Variants in UBE3C observed in about 807,000 individuals in gnomAD.
UBE3C encodes the protein ubiquitin protein ligase E3C.
UBE3C carries 42 observed loss-of-function variants against 129.4 expected under a neutral mutation model. The observed-to-expected ratio is 0.32, with a 90% confidence interval of 0.25 to 0.42. The LOEUF is 0.42. UBE3C is among the 10% of genes least tolerant of loss of function. The pLI is 1.00. For missense variants in UBE3C, 1,049 were observed against 1,319.1 expected, an observed-to-expected ratio of 0.80 and a Z score of 3.17; for synonymous variants, 510 against 492.4, an observed-to-expected ratio of 1.04 and a Z score of -0.47.
intron 2 of UBE3C, among the ~76,000 whole-genome samples, chr7:157,164,797 G>T (rs555370167): frequency 6.6e-5 from 10 of 152,102 alleles, no homozygotes; most frequent in Non-Finnish European, 5.9e-5. Context: ...GGTTCCTGCC[G>T]TGAACCAGGA....
In UBE3C at chr7:157,146,962, T is replaced by C. The variant is rs545365849; in HGVS notation, c.66+7624T>C. Among the ~76,000 whole-genome samples, 3 of 152,320 alleles carry C rather than the reference T, an allele frequency of 2.0e-5. 1 individual carries two copies. Among genetic ancestry groups the C allele is most frequent in the East Asian group, 1.9e-4 (1 of 5,186 alleles). ...CACCGCGCCCAACCATAGTAAGCAT[T>C]GAAGTCTGGTAGTGTGAGTCCTTCG... On this transcript the variant is annotated intron_variant, in intron 1 of 22. Coordinates refer to ENST00000348165, the MANE Select transcript of UBE3C (RefSeq NM_014671.3).
intron 13 of UBE3C, among the ~76,000 whole-genome samples, chr7:157,211,554 G>A (rs922570000): frequency 1.3e-5 from 2 of 151,992 alleles, no homozygotes; most frequent in Admixed American, 1.3e-4. Context: ...GAAAAATCAG[G>A]CCTTGGCAAT....
intron 2 of UBE3C, among the ~76,000 whole-genome samples, chr7:157,165,976 T>C (rs1172870422): frequency 6.6e-6 from 1 of 152,218 alleles, no homozygotes; most frequent in Non-Finnish European, 1.5e-5. Flanking sequence ...TCTTTGACTT[T>C]AGATAGTCTG....
chr7:157,192,638 G>A, intron 10 of UBE3C: 1 of 765,916 alleles, frequency 1.3e-6, no homozygotes, highest in African/African-American at 1.7e-5. Flanking sequence ...AGAAGAATAA[G>A]CGCAAGAGAA....
At chr7:157,256,357 G>GC (rs1327581326) in intron 21 of UBE3C, among the ~76,000 whole-genome samples, 1 of 152,072 alleles carries the variant, frequency 6.6e-6, no homozygotes, top group Non-Finnish European at 1.5e-5. Flanking sequence ...TGGCCAGGCT[G>GC]CTCTCGAACT....
At chr7:157,141,313 C>T (rs760583643) in intron 1 of UBE3C, among the ~76,000 whole-genome samples, 5 of 152,168 alleles carry the variant, frequency 3.3e-5, no homozygotes, top group Non-Finnish European at 7.3e-5. Flanking sequence ...CAAAGGAAGA[C>T]CATCCCCAGC....
chr7:157,165,327 A>G (rs1808183658), intron 2 of UBE3C, among the ~76,000 whole-genome samples: 1 of 149,394 alleles, frequency 6.7e-6, no homozygotes, highest in African/African-American at 2.5e-5. Context: ...CCTTTTGAAT[A>G]TCTCTGCTTC....
intron 4 of UBE3C, among the ~76,000 whole-genome samples, chr7:157,171,676 A>ATG (rs1808372034): frequency 3.4e-5 from 1 of 29,714 alleles, no homozygotes; most frequent in African/African-American, 1.0e-4. Context: ...ATATATATAT[A>ATG]TATATATATA....
intron 6 of UBE3C, among the ~76,000 whole-genome samples, chr7:157,181,301 G>A (rs1808659173): frequency 6.6e-6 from 1 of 152,160 alleles, no homozygotes; most frequent in African/African-American, 2.4e-5. Flanking sequence ...TGGTATACAG[G>A]TGAAATGAGA....
intron 18 of UBE3C, among the ~76,000 whole-genome samples, chr7:157,234,513 G>A (rs750600407): frequency 1.8e-4 from 27 of 152,310 alleles, no homozygotes; most frequent in Non-Finnish European, 3.7e-4. Context: ...GAGTAGAACC[G>A]CAGCCTTGTT....
chr7:157,256,778 C>A, intron 21 of UBE3C, 136 bp from the exon 22 acceptor site: 1 of 1,093,222 alleles, frequency 9.1e-7, no homozygotes, highest in Middle Eastern at 2.7e-4. Flanking sequence ...GTGATACACA[C>A]ATGCCACGCC....
intron 15 of UBE3C, 128 bp downstream of exon 15, chr7:157,220,904 T>C: frequency 8.8e-7 from 1 of 1,139,488 alleles, no homozygotes; most frequent in Non-Finnish European, 1.2e-6. Context: ...GGAGCTACCA[T>C]GTAGAAAAGT....
Position 157,267,914 on chromosome 7 carries a change from T to G in UBE3C, c.*159T>G, listed in dbSNP as rs1279770576. On this transcript the variant is annotated 3_prime_UTR_variant, in exon 23 of 23. Transcript: ENST00000348165. ...CCCTCCCTTCCTTTTTTAAATGATT[T>G]TTATTACGGTGTGGTCACTTATTTA... 4 of 562,444 alleles carry G rather than the reference T, an allele frequency of 7.1e-6. No individual in the cohort carries two copies. Among genetic ancestry groups the G allele is most frequent in the Admixed American group, 4.1e-5 (1 of 24,462 alleles). The allele number at this position is 562,444 out of a possible 1,614,324, so 34.8% of individuals were successfully genotyped here.
chr7:157,152,519 G>A (rs1807785098), intron 1 of UBE3C, among the ~76,000 whole-genome samples: 2 of 152,146 alleles, frequency 1.3e-5, no homozygotes, highest in African/African-American at 2.4e-5. Context: ...CTCCTTGTTT[G>A]TCACATGCAG....
Position 157,242,866 on chromosome 7 carries a change from C to T in UBE3C, c.2482-5502C>T, listed in dbSNP as rs554357880. Among the ~76,000 whole-genome samples, 14 of 152,100 alleles carry T rather than the reference C, an allele frequency of 9.2e-5. No individual in the cohort carries two copies. The East Asian group carries it at 1.7e-3, about 19-fold the overall frequency. The stretch of plus-strand genomic sequence containing the variant: ...GGTCAGGAGTTCTAGACCAGCCTGA[C>T]CAACATGGTGAAACCCCGTCTCTAC... On this transcript the variant is annotated intron_variant, in intron 18 of 22. Transcript: ENST00000348165.
intron 22 of UBE3C, among the ~76,000 whole-genome samples, chr7:157,264,092 G>A (rs1184670): frequency 0.71 from 104,524 of 147,658 alleles, 36,895 homozygotes; most frequent in Non-Finnish European, 0.76. Flanking sequence ...CACACACCTG[G>A]TATTACAGGT....
chr7:157,139,495 TCTCGGGGCCGCTCCGGCCGGGA>T (rs1042887708), intron 1 of UBE3C, among the ~76,000 whole-genome samples, 157 bp downstream of exon 1: 1 of 144,812 alleles, frequency 6.9e-6, no homozygotes, highest in Non-Finnish European at 1.5e-5. Flanking sequence ...CCTCGCCGGA[TCTCGGGGCCGCTCCGGCCGGGA>T]CTCGGGGTTG....
At chr7:157,206,748 A>G (rs930358192) in intron 11 of UBE3C, among the ~76,000 whole-genome samples, 1 of 151,076 alleles carries the variant, frequency 6.6e-6, no homozygotes, top group African/African-American at 2.5e-5. Flanking sequence ...ACCTATCACC[A>G]CACCTGGCTA....
At chr7:157,227,827 C>T (rs1158646138) in intron 17 of UBE3C, among the ~76,000 whole-genome samples, 1 of 152,196 alleles carries the variant, frequency 6.6e-6, no homozygotes, top group African/African-American at 2.4e-5. Flanking sequence ...TCACACCCAC[C>T]TCCCTAGGGG....
Sources: gnomAD v4.1 joint callset for allele counts (sites outside exome capture counted in the v4.1 genomes callset) on GRCh38, gnomAD v4.1.1 for gene constraint, MANE v1.5 for transcripts, NCBI Gene and HGNC (gene_info 2026-07-23, HGNC 2026-07-21) for gene names.